Variants in PTPRE observed in about 807,000 individuals in gnomAD.
PTPRE encodes receptor-type tyrosine-protein phosphatase epsilon.
A neutral mutation model predicts 102.0 loss-of-function variants in PTPRE; 51 were observed. That is an observed-to-expected ratio of 0.50 (90% confidence interval 0.40 to 0.63). PTPRE has a LOEUF of 0.63. Ranked by LOEUF, PTPRE falls within the 30% of genes least tolerant of loss-of-function variation. PTPRE has a pLI of 0.00. For synonymous variants in PTPRE, 345 were observed against 348.2 expected, an observed-to-expected ratio of 0.99 and a Z score of 0.10; for missense variants, 752 against 915.1, an observed-to-expected ratio of 0.82 and a Z score of 2.30.
chr10:127,940,856 C>T (rs1848196406), intron 1 of PTPRE, among the ~76,000 whole-genome samples: 1 of 152,220 alleles, frequency 6.6e-6, no homozygotes, highest in South Asian at 2.1e-4. Flanking sequence ...TGACCCAGTT[C>T]ATTTGTCTGT....
At chr10:127,911,534 C>T (rs748110543) in intron 1 of PTPRE, among the ~76,000 whole-genome samples, 41 of 152,146 alleles carry the variant, frequency 2.7e-4, no homozygotes, top group Non-Finnish European at 5.1e-4. Flanking sequence ...TGTGGCCTAC[C>T]CTAGAAACTC....
chr10:127,992,399 T>G (rs1291904051), intron 2 of PTPRE, among the ~76,000 whole-genome samples: 1 of 152,084 alleles, frequency 6.6e-6, no homozygotes, highest in African/African-American at 2.4e-5. Flanking sequence ...CAGAAGAAAC[T>G]GAAAAGTTCT....
chr10:128,015,458 C>T (rs1301726078), intron 2 of PTPRE, among the ~76,000 whole-genome samples: 1 of 152,162 alleles, frequency 6.6e-6, no homozygotes, highest in East Asian at 1.9e-4. Context: ...GCTCCGCCTC[C>T]TGGGTTCACA....
At chr10:128,017,960 G>A (rs978099124) in intron 2 of PTPRE, among the ~76,000 whole-genome samples, 6 of 152,228 alleles carry the variant, frequency 3.9e-5, no homozygotes, top group Non-Finnish European at 8.8e-5. Flanking sequence ...CACACACAGG[G>A]ACAGGTGAGG....
At chr10:127,969,434 G>A (rs1017919861) in intron 1 of PTPRE, among the ~76,000 whole-genome samples, 3 of 152,174 alleles carry the variant, frequency 2.0e-5, no homozygotes, top group South Asian at 4.1e-4. Flanking sequence ...TTGGGAGGCT[G>A]AGACTGGCAG....
intron 1 of PTPRE, among the ~76,000 whole-genome samples, chr10:127,954,313 G>A (rs1263946744): frequency 6.6e-6 from 1 of 152,200 alleles, no homozygotes; most frequent in East Asian, 1.9e-4. Context: ...CCCCAGTATG[G>A]CACCATTCTT....
chr10:128,005,735 G>A (rs117420831), intron 2 of PTPRE, among the ~76,000 whole-genome samples: 1 of 152,210 alleles, frequency 6.6e-6, no homozygotes, highest in East Asian at 1.9e-4. Context: ...CCGGCCATAA[G>A]CCAGCAGTTT....
chr10:127,947,151 T>TA (rs1848682091), intron 1 of PTPRE, among the ~76,000 whole-genome samples: 1 of 149,634 alleles, frequency 6.7e-6, no homozygotes, highest in Non-Finnish European at 1.5e-5. Context: ...CAGTTTGACT[T>TA]TAAAAAAAAT....
intron 1 of PTPRE, among the ~76,000 whole-genome samples, chr10:127,923,245 G>C (rs779253758): frequency 8.5e-5 from 13 of 152,226 alleles, no homozygotes; most frequent in African/African-American, 1.4e-4. Context: ...CAGGTGAGGG[G>C]TGGGGCAGGC....
chr10:128,066,753 A>G (rs1850128088), intron 11 of PTPRE, among the ~76,000 whole-genome samples: 2 of 152,366 alleles, frequency 1.3e-5, no homozygotes, highest in African/African-American at 2.4e-5. Context: ...AGTCATTGGC[A>G]TAATTAGGTC....
chr10:127,928,098 A>T lies in PTPRE; in HGVS notation c.-31+20789A>T, dbSNP rs112759945. On this transcript the variant is annotated intron_variant, in intron 1 of 20. Coordinates refer to ENST00000254667, the MANE Select transcript of PTPRE (RefSeq NM_006504.6). ...TTTCTTCAAGATTGTAAATTGCATTAGTGGTGACCGTCAGATTTATAGTTA... is the reference window on the plus strand; with the variant it reads ...TTTCTTCAAGATTGTAAATTGCATTTGTGGTGACCGTCAGATTTATAGTTA... 7.2e-3 allele frequency among the ~76,000 whole-genome samples: 1,094 copies of T among 152,326 alleles called. 13 individuals are homozygous for T. The highest frequency in any genetic ancestry group is 0.025 in the African/African-American group (1,047 of 41,566).
intron 1 of PTPRE, among the ~76,000 whole-genome samples, chr10:127,933,799 G>A (rs2135251205): frequency 6.6e-6 from 1 of 152,290 alleles, no homozygotes; most frequent in African/African-American, 2.4e-5. Context: ...GAGTGGAAGA[G>A]CTTGGAGTTT....
At chr10:127,959,605 G>A (rs1849652790) in intron 1 of PTPRE, among the ~76,000 whole-genome samples, 1 of 152,232 alleles carries the variant, frequency 6.6e-6, no homozygotes, top group Non-Finnish European at 1.5e-5. Flanking sequence ...ATTTAAAGCA[G>A]AAGTCCATTG....
intron 1 of PTPRE, among the ~76,000 whole-genome samples, chr10:127,969,698 G>T: frequency 6.6e-6 from 1 of 150,814 alleles, no homozygotes; most frequent in Admixed American, 6.6e-5. Context: ...GCGGGGGGAT[G>T]ATGCAGACAT....
intron 20 of PTPRE, among the ~76,000 whole-genome samples, chr10:128,080,161 A>G (rs890892353): frequency 6.6e-6 from 1 of 152,220 alleles, no homozygotes; most frequent in African/African-American, 2.4e-5. Context: ...CACGGGCTGC[A>G]GGAATCCCTA....
chr10:127,920,484 G>T (rs1173655570), intron 1 of PTPRE, among the ~76,000 whole-genome samples: 1 of 152,178 alleles, frequency 6.6e-6, no homozygotes, highest in Non-Finnish European at 1.5e-5. Flanking sequence ...GAGTCCCAGT[G>T]GCAGGGCAGA....
At chr10:127,922,050 C>A (rs1255748492) in intron 1 of PTPRE, among the ~76,000 whole-genome samples, 2 of 152,216 alleles carry the variant, frequency 1.3e-5, no homozygotes, top group Non-Finnish European at 2.9e-5. Flanking sequence ...TTAGTGAATT[C>A]ATGAAGTCCA....
chr10:128,047,219 C>T (rs1445560555), intron 3 of PTPRE, among the ~76,000 whole-genome samples, 171 bp from the exon 4 acceptor site: 2 of 152,228 alleles, frequency 1.3e-5, no homozygotes, highest in Non-Finnish European at 2.9e-5. Flanking sequence ...TCAACAGCAA[C>T]AACTAAAGTC....
intron 1 of PTPRE, among the ~76,000 whole-genome samples, chr10:127,949,601 GA>G (rs1361788013): frequency 2.6e-5 from 4 of 152,158 alleles, no homozygotes; most frequent in African/African-American, 9.7e-5. Flanking sequence ...GAAAACCAAA[GA>G]ATATGCCACG....
Sources: allele counts gnomAD v4.1 joint callset (sites outside exome capture counted in the v4.1 genomes callset), GRCh38; gene constraint gnomAD v4.1.1; transcripts MANE v1.5; gene names NCBI Gene and HGNC (gene_info 2026-07-23, HGNC 2026-07-21).